Variants in ERICH2 observed in about 807,000 individuals in gnomAD.
The protein encoded by ERICH2 is glutamate-rich protein 2.
A neutral mutation model predicts 17.4 loss-of-function variants in ERICH2; 17 were observed. That is an observed-to-expected ratio of 0.98 (90% CI 0.67 to 1.47). The LOEUF is 1.47. ERICH2 is among the 40% of genes most tolerant of loss of function. The probability of loss-of-function intolerance (pLI) is 0.00; values close to 1 mark genes in which losing one functional copy is unlikely to be tolerated. For missense variants in ERICH2, 186 were observed against 183.2 expected, an observed-to-expected ratio of 1.01 and a Z score of -0.09; for synonymous variants, 51 against 61.1, an observed-to-expected ratio of 0.83 and a Z score of 0.77.
At chr2:170,796,346 A>G (rs1701414919) in intron 3 of ERICH2, among the ~76,000 whole-genome samples, 1 of 152,114 alleles carries the variant, frequency 6.6e-6, no homozygotes, top group Admixed American at 6.5e-5. Context: ...TTGTGTATCA[A>G]GATGAAAGCC....
intron 2 of ERICH2, among the ~76,000 whole-genome samples, chr2:170,788,931 A>G (rs1701218221): frequency 8.6e-6 from 1 of 116,208 alleles, no homozygotes; most frequent in South Asian, 3.5e-4. Context: ...GCCTAGCCAT[A>G]TTCTTCTTCT....
exon 5 of ERICH2, chr2:170,798,911 T>G: frequency 6.5e-7 from 1 of 1,549,880 alleles, no homozygotes; most frequent in Non-Finnish European, 8.7e-7. Context: ...CTGCAATACT[T>G]GAAGCTTCAT....
intron 2 of ERICH2, among the ~76,000 whole-genome samples, chr2:170,789,509 C>T (rs1463828185): frequency 1.3e-5 from 2 of 152,048 alleles, no homozygotes; most frequent in East Asian, 1.9e-4. Flanking sequence ...CAGATATCAT[C>T]AGTGTTTATG....
At chr2:170,782,053 A>C (rs1294588941), upstream of ERICH2, among the ~76,000 whole-genome samples, 1 of 152,228 alleles carries the variant, frequency 6.6e-6, no homozygotes, top group Non-Finnish European at 1.5e-5. Flanking sequence ...AATGCCAGTC[A>C]GCAATAGAAT....
the ERICH2 span, among the ~76,000 whole-genome samples, chr2:170,778,372 A>G: frequency 3.3e-5 from 5 of 152,178 alleles, no homozygotes; most frequent in African/African-American, 9.6e-5. Flanking sequence ...ATTAGTAGGT[A>G]CTATTCTGGT....
chr2:170,784,599 C>A (rs569868087), intron 1 of ERICH2, 47 bp from the exon 7 acceptor site: 45 of 1,253,474 alleles, frequency 3.6e-5, no homozygotes, highest in Non-Finnish European at 4.2e-5. Context: ...ATTTAATTTG[C>A]GAACTTTTCG....
At chr2:170,788,617 G>T (rs561955944) in intron 2 of ERICH2, among the ~76,000 whole-genome samples, 71 of 151,992 alleles carry the variant, frequency 4.7e-4, no homozygotes, top group African/African-American at 1.6e-3. Flanking sequence ...GACTACAGGT[G>T]CACGCCACCA....
intron 3 of ERICH2, among the ~76,000 whole-genome samples, chr2:170,795,848 A>G (rs1701402607): frequency 6.6e-6 from 1 of 152,174 alleles, no homozygotes; most frequent in South Asian, 2.1e-4. Context: ...TTCTCTACAT[A>G]ATACATGGAG....
intron 3 of ERICH2, among the ~76,000 whole-genome samples, chr2:170,796,428 G>GTTTTT (rs869301301): frequency 0.013 from 1,540 of 114,266 alleles, 65 homozygotes; most frequent in Admixed American, 0.068. Flanking sequence ...CTCTCTCTTT[G>GTTTTT]TTTTTTTTTT....
intron 2 of ERICH2, among the ~76,000 whole-genome samples, chr2:170,787,465 G>A (rs1457156986): frequency 1.3e-5 from 2 of 152,232 alleles, no homozygotes; most frequent in Non-Finnish European, 2.9e-5. Context: ...TCCCCAGTGT[G>A]CTGCATGTTA....
intron 2 of ERICH2, among the ~76,000 whole-genome samples, chr2:170,788,574 C>A (rs62168409): frequency 6.6e-6 from 1 of 151,658 alleles, no homozygotes; most frequent in African/African-American, 2.4e-5. Context: ...CGGGTTCAAG[C>A]GATTCTCCTG....
the ERICH2 span, among the ~76,000 whole-genome samples, chr2:170,774,315 C>T: frequency 1.3e-5 from 2 of 152,172 alleles, no homozygotes; most frequent in Admixed American, 6.5e-5. Flanking sequence ...TCTTTCCAAA[C>T]TTTTCTTTTA....
chr2:170,785,771 A>G (rs1372424959), intron 2 of ERICH2, among the ~76,000 whole-genome samples: 1 of 152,186 alleles, frequency 6.6e-6, no homozygotes, highest in Non-Finnish European at 1.5e-5. Context: ...CATTACTGGC[A>G]TCAGAAAAGG....
the ERICH2 span, among the ~76,000 whole-genome samples, chr2:170,770,956 G>T: frequency 3.4e-5 from 5 of 146,280 alleles, no homozygotes; most frequent in African/African-American, 7.6e-5. Flanking sequence ...GCCTCTCCGT[G>T]GTTCCCCGGG....
In ERICH2 at chr2:170,798,039, A is replaced by G; in HGVS notation, c.275-2A>G. On this transcript the variant is annotated splice_acceptor_variant, in intron 3 of 4. Coordinates refer to ENST00000409885, the Ensembl canonical transcript of ERICH2. LOFTEE classifies it high-confidence loss of function. ...CATTCTGTTGTCCATTTTCATTTTC[A>G]GTCCTAATCTATGAACCAGAAAATC... 6.5e-7 allele frequency: 1 copy of G among 1,543,640 alleles called. No individual in the cohort carries two copies. The highest frequency in any genetic ancestry group is 1.2e-5 in the South Asian group (1 of 83,896).
chr2:170,785,591 GTTAT>G (rs112819865), intron 2 of ERICH2, among the ~76,000 whole-genome samples: 33,563 of 151,836 alleles, frequency 0.22, 4,544 homozygotes, highest in South Asian at 0.33. Context: ...AGTAACAAAA[GTTAT>G]TTATTAAGTT....
At chr2:170,792,835 C>T in intron 2 of ERICH2, 28 bp from the exon 8 acceptor site, 2 of 1,420,818 alleles carry the variant, frequency 1.4e-6, no homozygotes, top group Non-Finnish European at 1.9e-6. Context: ...TTTAAATTCA[C>T]TTATCTGAAG....
At chr2:170,786,312 A>T in intron 2 of ERICH2, among the ~76,000 whole-genome samples, 1 of 150,244 alleles carries the variant, frequency 6.7e-6, no homozygotes, top group Non-Finnish European at 1.5e-5. Flanking sequence ...GATTGCCAAG[A>T]TTTTTTTTTT....
intron 2 of ERICH2, among the ~76,000 whole-genome samples, chr2:170,785,809 C>T (rs1701146974): frequency 6.6e-6 from 1 of 152,068 alleles, no homozygotes; most frequent in South Asian, 2.1e-4. Flanking sequence ...AAGCCTGAAA[C>T]AACACACTCA....
Sources: allele counts gnomAD v4.1 joint callset (sites outside exome capture counted in the v4.1 genomes callset), GRCh38; gene constraint gnomAD v4.1.1; transcripts MANE v1.5; gene names NCBI Gene and HGNC (gene_info 2026-07-23, HGNC 2026-07-21).